The following ADSL variants were observed in gnomAD, a reference collection of about 807,000 sequenced individuals.
ADSL encodes the protein adenylosuccinase.
A neutral mutation model predicts 62.1 loss-of-function variants in ADSL; 44 were observed. That is an observed-to-expected ratio of 0.71 (90% CI 0.56 to 0.91). The LOEUF (loss-of-function observed/expected upper bound fraction) is 0.91. Ranked by LOEUF, ADSL falls within the 40% of genes least tolerant of loss-of-function variation. The pLI, the probability that ADSL is intolerant of heterozygous loss-of-function variation, is 0.00. For missense variants in ADSL, 531 were observed against 627.4 expected (o/e 0.85, Z 1.64); for synonymous variants, 198 against 220.5 (o/e 0.90, Z 0.90).
At chr22:40,381,229 C>A (rs1220512991) in intron 2 of ADSL, among the ~76,000 whole-genome samples, 1 of 151,840 alleles carries the variant, frequency 6.6e-6, no homozygotes, top group East Asian at 1.9e-4. Context: ...CTCATTGCAA[C>A]CTCCACCTCC....
chr22:40,359,894 A>T (rs1325367610), intron 6 of ADSL, among the ~76,000 whole-genome samples: 2 of 152,170 alleles, frequency 1.3e-5, no homozygotes, highest in Non-Finnish European at 2.9e-5. Flanking sequence ...TTTCTTTAGA[A>T]TACCTTTATC....
Position 40,351,172 on chromosome 22 carries a change from A to AT in ADSL, c.357+1151dup, listed in dbSNP as rs1291583819. Among the ~76,000 whole-genome samples, 1,226 of 143,654 alleles carry AT rather than the reference A, an allele frequency of 8.5e-3. 7 individuals are homozygous for AT. Among genetic ancestry groups the AT allele is most frequent in the Non-Finnish European group, 0.013 (849 of 64,982 alleles). 94.2% of individuals were successfully genotyped at this position (143,654 alleles called of 152,430 possible). A position where few individuals can be genotyped will look rare whatever the true frequency, so the allele number is the denominator to read the frequency against. ...ACTGCACCAGGCTAATTAAAAAAAAATTTTTTTTTTTTTTGGAGACAGAGT... is the reference window on the plus strand; with the variant it reads ...ACTGCACCAGGCTAATTAAAAAAAAATTTTTTTTTTTTTTTGGAGACAGAGT... On this transcript the variant is annotated intron_variant, in intron 2 of 12. Transcript: ENST00000623063.
intron 1 of ADSL, chr22:40,348,537 C>G (rs966846815): frequency 5.0e-6 from 2 of 398,460 alleles, no homozygotes; most frequent in Non-Finnish European, 8.8e-6. Context: ...CACGCCACCA[C>G]GCCCGGCAAA....
intron 4 of ADSL, among the ~76,000 whole-genome samples, chr22:40,356,032 C>CAAAA (rs1212379585): frequency 5.4e-5 from 3 of 55,320 alleles, no homozygotes; most frequent in East Asian, 1.2e-3. Context: ...ACTAAAAATA[C>CAAAA]AAAAAAAAAA....
intron 1 of ADSL, chr22:40,348,617 G>A (rs2044232986): frequency 2.5e-6 from 1 of 398,606 alleles, no homozygotes; most frequent in Non-Finnish European, 4.4e-6. Flanking sequence ...CTGGACTCAA[G>A]CGATCCACCG....
chr22:40,384,589 G>C (rs908776023), intron 2 of ADSL, among the ~76,000 whole-genome samples: 2 of 152,126 alleles, frequency 1.3e-5, no homozygotes, highest in Non-Finnish European at 2.9e-5. Flanking sequence ...GACCATCCTG[G>C]CTAACACGGT....
chr22:40,348,454 G>T, intron 1 of ADSL: 1 of 398,548 alleles, frequency 2.5e-6, no homozygotes, highest in Non-Finnish European at 4.4e-6. Context: ...CACAATCTTG[G>T]CTCGTTACAA....
chr22:40,363,119 G>T, intron 10 of ADSL, 48 bp downstream of exon 10: 1 of 1,560,254 alleles, frequency 6.4e-7, no homozygotes, highest in Non-Finnish European at 8.8e-7. Context: ...GGGTTAGAAT[G>T]TGGGAGGGAG....
chr22:40,383,979 T>C (rs2048010554), intron 2 of ADSL, among the ~76,000 whole-genome samples: 1 of 152,224 alleles, frequency 6.6e-6, no homozygotes, highest in Admixed American at 6.5e-5. Flanking sequence ...CCAGGCATCA[T>C]GGCTCATGCC....
chr22:40,375,580 CAA>C (rs5845459), intron 2 of ADSL, among the ~76,000 whole-genome samples: 9 of 101,342 alleles, frequency 8.9e-5, no homozygotes, highest in Admixed American at 2.1e-4. Flanking sequence ...AACTCTGTCT[CAA>C]AAAAAAAAAA....
At chr22:40,359,159 G>A in intron 5 of ADSL, 101 bp from the exon 6 acceptor site, 5 of 1,582,874 alleles carry the variant, frequency 3.2e-6, no homozygotes, top group Non-Finnish European at 4.3e-6. Context: ...CTAGAAGGAA[G>A]TTGTGGGGGT....
rs2146678987 is a variant in ADSL, at chr22:40,366,658, T to C, written c.*136T>C. 1.4e-6 allele frequency: 1 copy of C among 703,640 alleles called. No individual in the cohort carries two copies. 43.6% of individuals were successfully genotyped at this position (703,640 alleles called of 1,614,324 possible). On this transcript the variant is annotated 3_prime_UTR_variant, in exon 13 of 13. Transcript: ENST00000623063. ...CTTTCTTCTTCCCATGGTGCTTTCCTGTTTCTCAGTCTCACATTTCTCAAC... is the reference window on the plus strand; with the variant it reads ...CTTTCTTCTTCCCATGGTGCTTTCCCGTTTCTCAGTCTCACATTTCTCAAC...
chr22:40,375,490 G>T (rs1198906339), intron 2 of ADSL, among the ~76,000 whole-genome samples: 1 of 151,784 alleles, frequency 6.6e-6, no homozygotes, highest in East Asian at 1.9e-4. Context: ...TGAGGCAGGA[G>T]AATCACTTGA....
In ADSL at chr22:40,349,966, C is replaced by T; in HGVS notation, c.288C>T (p.Gly96=). The change falls in exon 2 of 13, where the codon GGC becomes GGT. Residue 96 remains glycine (G), a synonymous_variant. Transcript: ENST00000623063. ...HDVMAHVHTF[G]HCCPKAAGII... The stretch of plus-strand genomic sequence containing the variant: ...TGATGGCTCACGTGCACACATTTGG[C>T]CACTGCTGTCCAAAAGCTGCAGGCA... The T allele has an allele frequency of 1.2e-6, 2 of 1,614,066 alleles. No individual in the cohort carries two copies. The highest frequency in any genetic ancestry group is 2.2e-5 in the South Asian group (2 of 91,072).
chr22:40,361,470 C>CT lies in ADSL; in HGVS notation c.863-11dup, dbSNP rs762247753. The stretch of plus-strand genomic sequence containing the variant: ...AGTCTCTCTGCCTTTGCATCTTGTC[C>CT]TTTTTTTACATGGGCAGGCTCAAGT... On this transcript the variant is annotated splice_polypyrimidine_tract_variant and intron_variant, in intron 8 of 12. Transcript: ENST00000623063. The CT allele has an allele frequency of 1.1e-5, 18 of 1,614,132 alleles. No homozygotes were observed. The South Asian group carries it at 1.3e-4, about 12-fold the overall frequency.
At chr22:40,384,970 AAAAG>A (rs1302913877) in intron 2 of ADSL, among the ~76,000 whole-genome samples, 2 of 152,234 alleles carry the variant, frequency 1.3e-5, no homozygotes, top group South Asian at 2.1e-4. Flanking sequence ...GGAATGGACT[AAAAG>A]AAAGAAGACT....
intron 2 of ADSL, chr22:40,387,219 G>T (rs757783279): frequency 7.5e-6 from 3 of 398,272 alleles, no homozygotes; most frequent in Non-Finnish European, 1.3e-5. Flanking sequence ...TCTTTCATAG[G>T]TTTCCTTCTG....
At position 40,350,015 on chromosome 22, in the gene ADSL, T is replaced by A; in HGVS notation, c.337T>A (p.Cys113Ser). The A allele has an allele frequency of 6.2e-7, 1 of 1,614,024 alleles. No homozygotes were observed. The highest frequency in any genetic ancestry group is 1.1e-5 in the South Asian group (1 of 91,082). Residue 113 changes from cysteine (C) to serine (S), a missense_variant, in exon 2 of 13, where the codon TGC becomes AGC. Cys to Ser is a moderately radical substitution (Grantham distance 112). Around this residue, in one of 2 missense-constraint regions of ADSL, gnomAD observed 471 missense variants for 592.9 expected, o/e 0.79. Coordinates refer to ENST00000623063, the MANE Select transcript of ADSL (RefSeq NM_000026.4). ...AGIIHLGATS[C>S]YVGDNTDLII... is the part of the protein sequence containing the mutation. ...CATTATTCACCTTGGTGCTACTTCT[T>A]GCTATGTTGGAGACAATACTGTAGG...
downstream of ADSL, among the ~76,000 whole-genome samples, chr22:40,371,022 C>T (rs1296392594): frequency 1.3e-5 from 2 of 152,222 alleles, no homozygotes; most frequent in African/African-American, 4.8e-5. Context: ...AAAACCGCGC[C>T]TGAGGCGGGG....
Sources: gnomAD v4.1 joint callset for allele counts (sites outside exome capture counted in the v4.1 genomes callset) on GRCh38, gnomAD v4.1.1 for gene constraint, gnomAD v4.1.1 regional missense constraint, MANE v1.5 for transcripts, NCBI Gene and HGNC (gene_info 2026-07-23, HGNC 2026-07-21) for gene names.